The following DEFB119 variants were observed in gnomAD, a reference collection of about 807,000 sequenced individuals.
DEFB119 encodes the protein beta-defensin 119.
DEFB119 carries 3 observed loss-of-function variants against 2.5 expected under a neutral mutation model. That is an observed-to-expected ratio of 1.19 (90% CI 0.54 to 3.07). The LOEUF (loss-of-function observed/expected upper bound fraction) is 3.07, where lower values mean the gene tolerates loss of function less well. DEFB119 is among the 30% of genes most tolerant of loss of function. The pLI, the probability that DEFB119 is intolerant of heterozygous loss-of-function variation, is 0.03. For synonymous variants in DEFB119, 29 were observed against 33.7 expected (o/e 0.86, Z 0.48); for missense variants, 113 against 101.1 (o/e 1.12, Z -0.50).
At chr20:31,389,178 G>A in intron 1 of DEFB119, 1 of 1,614,146 alleles carries the variant, frequency 6.2e-7, no homozygotes. Flanking sequence ...GTATGATGCT[G>A]TCTTCACCAT....
At chr20:31,388,668 C>T (rs1385411133) in intron 1 of DEFB119, among the ~76,000 whole-genome samples, 1 of 152,154 alleles carries the variant, frequency 6.6e-6, no homozygotes, top group Non-Finnish European at 1.5e-5. Flanking sequence ...CATCCACTCT[C>T]AGCCCATTCA....
chr20:31,378,262 T>C, intron 1 of DEFB119: 1 of 1,593,810 alleles, frequency 6.3e-7, no homozygotes, highest in Non-Finnish European at 8.6e-7. Context: ...CTCCCTGAGA[T>C]GTGACTTGGA....
intron 1 of DEFB119, among the ~76,000 whole-genome samples, chr20:31,380,379 C>A (rs1434011421): frequency 6.6e-6 from 1 of 152,152 alleles, no homozygotes; most frequent in Non-Finnish European, 1.5e-5. Flanking sequence ...GATCTTCCCA[C>A]CTTAGCCTCT....
chr20:31,384,430 C>CA (rs993926934), intron 1 of DEFB119, among the ~76,000 whole-genome samples: 14 of 151,058 alleles, frequency 9.3e-5, no homozygotes, highest in Non-Finnish European at 1.8e-4. Flanking sequence ...CTATTTATCA[C>CA]AAAAAATAAA....
At chr20:31,378,119 T>A (rs1986368973) in intron 1 of DEFB119, among the ~76,000 whole-genome samples, 1 of 152,190 alleles carries the variant, frequency 6.6e-6, no homozygotes, top group South Asian at 2.1e-4. Context: ...AGGAATCATG[T>A]GGGAAGCCTC....
At chr20:31,379,228 T>G (rs987816853) in intron 1 of DEFB119, among the ~76,000 whole-genome samples, 3 of 152,184 alleles carry the variant, frequency 2.0e-5, no homozygotes, top group African/African-American at 7.2e-5. Flanking sequence ...TGGACACATT[T>G]TTTTAATTTG....
rs759173432 is a variant in DEFB119, at chr20:31,377,365, A to T, written c.136T>A (p.Tyr46Asn). Reference protein sequence around the residue: ...RASCKKNEQPYLYCRNCQSCC... With the variant: ...RASCKKNEQPNLYCRNCQSCC... ...GACTGACAATTTCTGCAATAGAGGTAGGGCTGTTCGTTCTTTTTGCAAGAG... is the reference window on the plus strand; with the variant it reads ...GACTGACAATTTCTGCAATAGAGGTTGGGCTGTTCGTTCTTTTTGCAAGAG... The change falls in exon 2 of 2, where the codon TAC becomes AAC. Residue 46 changes from tyrosine to asparagine, a missense_variant. By Grantham distance (143) the Tyr-to-Asn change is moderately radical. Coordinates refer to ENST00000376321, the MANE Select transcript of DEFB119 (RefSeq NM_153289.4). 1.2e-5 allele frequency: 20 copies of T among 1,614,042 alleles called. No homozygotes were observed. The highest frequency in any genetic ancestry group is 1.4e-5 in the Non-Finnish European group (16 of 1,180,022).
intron 1 of DEFB119, among the ~76,000 whole-genome samples, chr20:31,387,812 G>C (rs944340367): frequency 7.9e-5 from 12 of 152,154 alleles, no homozygotes; most frequent in African/African-American, 2.9e-4. Context: ...AAGGGAGGAG[G>C]GCAGGCAGAG....
intron 1 of DEFB119, chr20:31,378,477 C>A (rs1986386456): frequency 1.3e-6 from 2 of 1,577,804 alleles, no homozygotes; most frequent in Non-Finnish European, 1.7e-6. Context: ...CATCCGCGTT[C>A]CAGCAAAAAT....
At chr20:31,388,384 T>C in intron 1 of DEFB119, 1 of 905,146 alleles carries the variant, frequency 1.1e-6, no homozygotes, top group Non-Finnish European at 1.3e-6. Flanking sequence ...ACAATTACTC[T>C]AATTTACAGA....
intron 1 of DEFB119, chr20:31,388,938 T>G: frequency 6.5e-7 from 1 of 1,545,676 alleles, no homozygotes. Context: ...ATTTGAAGTA[T>G]CATTCCTTAT....
Position 31,385,013 on chromosome 20 carries a change from C to T in DEFB119, c.61+5410G>A, listed in dbSNP as rs6120047. Among the ~76,000 whole-genome samples, 1,169 of 152,220 alleles carry T rather than the reference C, an allele frequency of 7.7e-3. 8 individuals carry two copies. The highest frequency in any genetic ancestry group is 0.026 in the African/African-American group (1,078 of 41,550). Reference sequence around the variant, plus strand: ...AGAAAAGAAAACTGAAAAAAATAAGCTACTGCTCTCACCTTAATCAGAATG... The same window carrying T: ...AGAAAAGAAAACTGAAAAAAATAAGTTACTGCTCTCACCTTAATCAGAATG... On this transcript the variant is annotated intron_variant, in intron 1 of 1. Coordinates refer to ENST00000376321, the MANE Select transcript of DEFB119 (RefSeq NM_153289.4).
intron 1 of DEFB119, chr20:31,388,051 G>C: frequency 1.0e-6 from 1 of 985,346 alleles, no homozygotes; most frequent in Non-Finnish European, 1.2e-6. Context: ...CGCAGTTCAG[G>C]GTGAAAAACT....
intron 1 of DEFB119, among the ~76,000 whole-genome samples, 189 bp downstream of exon 1, chr20:31,390,227 GCTCCAAA>G (rs1338430336): frequency 1.3e-5 from 2 of 151,878 alleles, no homozygotes; most frequent in Non-Finnish European, 2.9e-5. Flanking sequence ...AGCACCAGAT[GCTCCAAA>G]CATCTATCAT....
At chr20:31,387,290 T>C (rs1322390968) in intron 1 of DEFB119, among the ~76,000 whole-genome samples, 1 of 152,184 alleles carries the variant, frequency 6.6e-6, no homozygotes, top group Admixed American at 6.5e-5. Flanking sequence ...GAATTTAAAA[T>C]AATTCTTTAA....
intron 1 of DEFB119, among the ~76,000 whole-genome samples, chr20:31,380,184 A>G (rs1986454861): frequency 1.3e-5 from 2 of 152,074 alleles, no homozygotes; most frequent in Non-Finnish European, 2.9e-5. Context: ...TCTTCACCAA[A>G]CACACGGTCT....
intron 1 of DEFB119, among the ~76,000 whole-genome samples, chr20:31,384,702 C>G (rs1250682703): frequency 6.6e-6 from 1 of 152,186 alleles, no homozygotes; most frequent in East Asian, 1.9e-4. Flanking sequence ...TTAGGATCAG[C>G]TGAGATCCCT....
chr20:31,389,221 C>T, intron 1 of DEFB119: 2 of 1,614,104 alleles, frequency 1.2e-6, no homozygotes, highest in Non-Finnish European at 1.7e-6. Flanking sequence ...TCCATCCATC[C>T]AACACTCTAC....
At chr20:31,381,787 G>A (rs1308382351) in intron 1 of DEFB119, among the ~76,000 whole-genome samples, 1 of 151,998 alleles carries the variant, frequency 6.6e-6, no homozygotes, top group Non-Finnish European at 1.5e-5. Flanking sequence ...CTCCAGCCTG[G>A]GCGACAGAGC....
Sources: gnomAD v4.1 joint callset for allele counts (sites outside exome capture counted in the v4.1 genomes callset) on GRCh38, gnomAD v4.1.1 for gene constraint, MANE v1.5 for transcripts, NCBI Gene and HGNC (gene_info 2026-07-23, HGNC 2026-07-21) for gene names.